The following AK5 variants were observed in gnomAD, a reference collection of about 807,000 sequenced individuals.
AK5 encodes the protein adenylate kinase isoenzyme 5.
AK5 carries 27 observed loss-of-function variants against 69.5 expected under a neutral mutation model. The ratio of observed to expected loss-of-function variants is 0.39; its 90% CI spans 0.29 to 0.54. The LOEUF is 0.54. Among genes scored for constraint, AK5 ranks in the 20% least tolerant of loss-of-function variants. AK5 has a pLI of 0.71. For missense variants in AK5, 531 were observed against 700.4 expected (o/e 0.76, Z 2.73); for synonymous variants, 260 against 244.4 (o/e 1.06, Z -0.60).
intron 6 of AK5, among the ~76,000 whole-genome samples, chr1:77,361,436 A>G (rs963292650): frequency 6.6e-6 from 1 of 152,214 alleles, no homozygotes; most frequent in East Asian, 1.9e-4. Context: ...TACTATTAAG[A>G]CTAAGTGAAA....
chr1:77,284,366 C>T (rs12133976), intron 1 of AK5, among the ~76,000 whole-genome samples: 22,482 of 152,226 alleles, frequency 0.15, 1,807 homozygotes, highest in Middle Eastern at 0.22. Context: ...AATTAGCTGT[C>T]TACTAAACAC....
chr1:77,370,355 ACT>A (rs1436781428), intron 6 of AK5, among the ~76,000 whole-genome samples: 1 of 151,970 alleles, frequency 6.6e-6, no homozygotes, highest in African/African-American at 2.4e-5. Flanking sequence ...TAACAGACAA[ACT>A]CTGTCTCACA....
chr1:77,382,049 G>A (rs1393512428), intron 6 of AK5, among the ~76,000 whole-genome samples: 2 of 151,992 alleles, frequency 1.3e-5, no homozygotes. Flanking sequence ...TGGAGATCTC[G>A]GACAACCATT....
intron 6 of AK5, among the ~76,000 whole-genome samples, chr1:77,399,090 A>AC (rs768539022): frequency 2.5e-4 from 38 of 152,256 alleles, no homozygotes; most frequent in Non-Finnish European, 4.3e-4. Context: ...TATTTCAGCT[A>AC]CCCCCAATAG....
chr1:77,475,191 ATATATGTGTG>A (rs772932030), intron 8 of AK5, among the ~76,000 whole-genome samples: 3 of 62,840 alleles, frequency 4.8e-5, no homozygotes, highest in African/African-American at 1.2e-4. Flanking sequence ...ATATATATAT[ATATATGTGTG>A]TGTGTGTGTG....
intron 5 of AK5, among the ~76,000 whole-genome samples, chr1:77,322,523 A>T (rs577337482): frequency 6.6e-6 from 1 of 152,132 alleles, no homozygotes; most frequent in African/African-American, 2.4e-5. Context: ...CAGCTTTACC[A>T]TGTGGAGATT....
intron 13 of AK5, among the ~76,000 whole-genome samples, chr1:77,554,762 T>A (rs61777089): frequency 1.1e-4 from 15 of 139,976 alleles, no homozygotes; most frequent in African/African-American, 3.6e-4. Flanking sequence ...CCCGCCACCA[T>A]GCCCGGCTAT....
At chr1:77,540,967 C>T (rs1007131611) in intron 13 of AK5, among the ~76,000 whole-genome samples, 2 of 151,896 alleles carry the variant, frequency 1.3e-5, no homozygotes, top group East Asian at 1.9e-4. Context: ...AATGCAATGG[C>T]GCAATCTTGG....
At chr1:77,325,337 A>G (rs1172706417) in intron 5 of AK5, among the ~76,000 whole-genome samples, 2 of 151,888 alleles carry the variant, frequency 1.3e-5, no homozygotes, top group African/African-American at 4.8e-5. Flanking sequence ...CAACTATTAT[A>G]TTTCTGGTAG....
At chr1:77,410,935 T>C (rs1649999961) in intron 6 of AK5, 46 bp from the exon 7 acceptor site, 1 of 1,466,096 alleles carries the variant, frequency 6.8e-7, no homozygotes, top group South Asian at 1.2e-5. Context: ...ATTAACTAAT[T>C]TGTGTATTCT....
intron 8 of AK5, chr1:77,417,955 G>T: frequency 5.6e-6 from 2 of 356,172 alleles, no homozygotes; most frequent in South Asian, 6.1e-5. Flanking sequence ...ATCATCAAAC[G>T]TTAACATGGG....
chr1:77,300,905 A>G (rs1392008267), intron 5 of AK5, among the ~76,000 whole-genome samples: 2 of 152,134 alleles, frequency 1.3e-5, no homozygotes, highest in Non-Finnish European at 2.9e-5. Context: ...TTTTTATTAT[A>G]CTGCATCTCC....
At chr1:77,522,182 ACTCTCT>A (rs931938898) in intron 12 of AK5, among the ~76,000 whole-genome samples, 1 of 148,132 alleles carries the variant, frequency 6.8e-6, no homozygotes, top group Admixed American at 6.7e-5. Context: ...CAATTGTCTG[ACTCTCT>A]CTCTCTCTCT....
chr1:77,445,375 T>C (rs555681064), intron 8 of AK5, among the ~76,000 whole-genome samples: 1 of 152,188 alleles, frequency 6.6e-6, no homozygotes, highest in East Asian at 1.9e-4. Flanking sequence ...TTCCTCATTA[T>C]TAGGGATGTT....
At chr1:77,509,010 T>C (rs1219498309) in intron 10 of AK5, among the ~76,000 whole-genome samples, 1 of 152,192 alleles carries the variant, frequency 6.6e-6, no homozygotes, top group Non-Finnish European at 1.5e-5. Context: ...TTCTTCACTT[T>C]ACAGACAGAG....
intron 8 of AK5, among the ~76,000 whole-genome samples, chr1:77,456,174 A>G (rs947007403): frequency 1.3e-5 from 2 of 152,208 alleles, no homozygotes; most frequent in African/African-American, 4.8e-5. Context: ...TAATTCCTCA[A>G]TACTAAGAGT....
At chr1:77,499,870 A>ATTTTTTTT (rs1178365313) in intron 10 of AK5, among the ~76,000 whole-genome samples, 8 of 50,482 alleles carry the variant, frequency 1.6e-4, no homozygotes, top group African/African-American at 8.7e-4. Flanking sequence ...CCCTTTTTCC[A>ATTTTTTTT]TTTTTTTTTT....
chr1:77,558,935 A>G lies in AK5; in HGVS notation c.*265A>G. 1 of 377,840 alleles carries G rather than the reference A, an allele frequency of 2.6e-6. No individual in the cohort carries two copies. Among genetic ancestry groups the G allele is most frequent in the Non-Finnish European group, 4.9e-6 (1 of 202,196 alleles). 23.4% of individuals were successfully genotyped at this position (377,840 alleles called of 1,614,324 possible). A position where few individuals can be genotyped will look rare whatever the true frequency, so the allele number is the denominator to read the frequency against. ...ACGGCACACACACTTTGTATCATGC[A>G]GGCCACACTCAGAGCTAGTCAGTAC... On this transcript the variant is annotated 3_prime_UTR_variant, in exon 14 of 14. Transcript: ENST00000354567.
chr1:77,508,631 C>A (rs112065423), intron 10 of AK5, among the ~76,000 whole-genome samples: 3 of 152,266 alleles, frequency 2.0e-5, no homozygotes, highest in African/African-American at 7.2e-5. Context: ...CTTTGGGAGG[C>A]TGAGGTGGGT....
Sources: gnomAD v4.1 joint callset for allele counts (sites outside exome capture counted in the v4.1 genomes callset) on GRCh38, gnomAD v4.1.1 for gene constraint, MANE v1.5 for transcripts, NCBI Gene and HGNC (gene_info 2026-07-23, HGNC 2026-07-21) for gene names.